The following PRSS23 variants were observed in gnomAD, a reference collection of about 807,000 sequenced individuals.
The protein encoded by PRSS23 is protease, serine 23.
Under a neutral mutation model 34.7 loss-of-function variants are expected in PRSS23, and 25 were observed. The observed-to-expected ratio is 0.72, with a 90% CI of 0.53 to 1.01. The LOEUF is 1.01. PRSS23 is among the 50% of genes least tolerant of loss of function. The pLI, the probability that PRSS23 is intolerant of heterozygous loss-of-function variation, is 0.00. For synonymous variants in PRSS23, 176 were observed against 186.6 expected (o/e 0.94, Z 0.46); for missense variants, 445 against 475.6 (o/e 0.94, Z 0.60).
At chr11:86,830,348 C>T (rs554234139) in intron 2 of PRSS23, among the ~76,000 whole-genome samples, 219 of 152,308 alleles carry the variant, frequency 1.4e-3, no homozygotes, top group Non-Finnish European at 2.5e-3. Flanking sequence ...GTCGGAAAAG[C>T]GCAGTATTAG....
chr11:86,942,855 C>G (rs1949215207), intron 2 of PRSS23, among the ~76,000 whole-genome samples: 1 of 152,168 alleles, frequency 6.6e-6, no homozygotes, highest in Admixed American at 6.5e-5. Flanking sequence ...TCCTACGGTA[C>G]CAGCTTGCAT....
downstream of PRSS23, among the ~76,000 whole-genome samples, chr11:86,815,814 C>G (rs962475716): frequency 5.3e-5 from 8 of 152,184 alleles, no homozygotes; most frequent in Non-Finnish European, 1.0e-4. Flanking sequence ...AGCTAGAGTT[C>G]TGTGCTATCC....
chr11:86,826,823 T>C (rs1191032130), intron 2 of PRSS23, among the ~76,000 whole-genome samples: 1 of 152,248 alleles, frequency 6.6e-6, no homozygotes, highest in Non-Finnish European at 1.5e-5. Context: ...TGAACGAGCC[T>C]TGCATCCCAG....
chr11:86,917,343 T>C (rs1949020115), intron 2 of PRSS23, among the ~76,000 whole-genome samples: 1 of 152,218 alleles, frequency 6.6e-6, no homozygotes, highest in Admixed American at 6.5e-5. Flanking sequence ...TTTGTGATCG[T>C]GGGCCTCTGG....
intron 1 of PRSS23, chr11:86,823,220 A>C: frequency 1.6e-6 from 1 of 606,256 alleles, no homozygotes; most frequent in Non-Finnish European, 2.9e-6. Flanking sequence ...CTTTTACTTT[A>C]GTATTCCTAA....
intron 2 of PRSS23, among the ~76,000 whole-genome samples, chr11:86,906,586 A>T (rs1015077631): frequency 6.6e-6 from 1 of 152,188 alleles, no homozygotes; most frequent in African/African-American, 2.4e-5. Context: ...ACGAATCTCC[A>T]AATGCTGAAC....
At chr11:86,939,424 A>ATTTTTTTTTTTTTT (rs1346009599) in intron 2 of PRSS23, among the ~76,000 whole-genome samples, 1 of 84,002 alleles carries the variant, frequency 1.2e-5, no homozygotes, top group African/African-American at 3.6e-5. Context: ...ATATATATAT[A>ATTTTTTTTTTTTTT]TATTTTTTAA....
intron 2 of PRSS23, among the ~76,000 whole-genome samples, chr11:86,872,663 T>C (rs1276398129): frequency 6.6e-6 from 1 of 152,108 alleles, no homozygotes; most frequent in African/African-American, 2.4e-5. Context: ...AAATTTGGAG[T>C]TATGCATATA....
chr11:86,902,265 T>TA (rs1948916483), intron 2 of PRSS23, among the ~76,000 whole-genome samples: 1 of 152,212 alleles, frequency 6.6e-6, no homozygotes, highest in Non-Finnish European at 1.5e-5. Flanking sequence ...CCTTATCTAT[T>TA]TGCTCCCAAT....
Position 86,952,013 on chromosome 11 carries a change from A to C in PRSS23, c.*728A>C, listed in dbSNP as rs750235587. On this transcript the variant is annotated 3_prime_UTR_variant, in exon 3 of 3. Coordinates refer to the PRSS23 transcript ENST00000533902. ...TATGATGGGGCGCTCAGGGTAGGAA[A>C]ACCTAGAAGAATCGATCAGGAAGGT... 6.2e-7 allele frequency: 1 copy of C among 1,614,172 alleles called. No homozygotes were observed. Among genetic ancestry groups the C allele is most frequent in the Non-Finnish European group, 8.5e-7 (1 of 1,180,038 alleles).
At chr11:86,847,719 G>A (rs1439924838) in intron 2 of PRSS23, among the ~76,000 whole-genome samples, 1 of 152,146 alleles carries the variant, frequency 6.6e-6, no homozygotes, top group Non-Finnish European at 1.5e-5. Flanking sequence ...ACCACTGCCT[G>A]GCCACAGTAT....
chr11:86,791,173 T>C (rs1468967988), exon 1 of PRSS23: 1 of 152,360 alleles, frequency 6.6e-6, no homozygotes, highest in African/African-American at 2.4e-5. Flanking sequence ...CTTCCTTGTC[T>C]GACACAGATT....
intron 2 of PRSS23, chr11:86,924,981 G>T (rs1949071079): frequency 6.6e-6 from 1 of 152,150 alleles, no homozygotes; most frequent in East Asian, 1.9e-4. Flanking sequence ...CTCACCGAGG[G>T]GAGTTGACCC....
At chr11:86,799,714 C>T, upstream of PRSS23, among the ~76,000 whole-genome samples, 1 of 152,026 alleles carries the variant, frequency 6.6e-6, no homozygotes, top group East Asian at 1.9e-4. Flanking sequence ...CAACCACCAC[C>T]ACCAAGATAA....
intron 2 of PRSS23, among the ~76,000 whole-genome samples, chr11:86,856,658 A>G (rs1283634838): frequency 2.0e-5 from 3 of 152,240 alleles, no homozygotes; most frequent in African/African-American, 7.2e-5. Context: ...TCAACACTAT[A>G]ACTAAACAAC....
At chr11:86,825,678 C>A (rs1437178064) in intron 2 of PRSS23, among the ~76,000 whole-genome samples, 1 of 151,768 alleles carries the variant, frequency 6.6e-6, no homozygotes, top group Non-Finnish European at 1.5e-5. Flanking sequence ...GGAAGGGATC[C>A]AGTTTCAGCT....
At chr11:86,858,353 C>T (rs1009380485) in intron 2 of PRSS23, among the ~76,000 whole-genome samples, 1 of 151,852 alleles carries the variant, frequency 6.6e-6, no homozygotes, top group South Asian at 2.1e-4. Context: ...TACATCACTC[C>T]TGTGAGATTG....
At chr11:86,904,355 G>A (rs1173456268) in intron 2 of PRSS23, among the ~76,000 whole-genome samples, 7 of 151,814 alleles carry the variant, frequency 4.6e-5, no homozygotes, top group Admixed American at 2.0e-4. Context: ...ATCTGCTTCC[G>A]TCCCCATCTT....
intron 1 of PRSS23, among the ~76,000 whole-genome samples, chr11:86,817,368 C>T (rs1272842221): frequency 6.6e-6 from 1 of 152,172 alleles, no homozygotes. Flanking sequence ...CTTTAGATAG[C>T]TATGGTTGAA....
Sources: gnomAD v4.1 joint callset for allele counts (sites outside exome capture counted in the v4.1 genomes callset) on GRCh38, gnomAD v4.1.1 for gene constraint, MANE v1.5 for transcripts, NCBI Gene and HGNC (gene_info 2026-07-23, HGNC 2026-07-21) for gene names.